The following NEGR1 variants were observed in gnomAD, a reference collection of about 807,000 sequenced individuals.
NEGR1 encodes the protein IgLON family member 4.
Under a neutral mutation model 40.9 loss-of-function variants are expected in NEGR1, and 10 were observed. That is an observed-to-expected ratio of 0.24 (90% confidence interval 0.15 to 0.42). The LOEUF is 0.42. NEGR1 is among the 10% of genes least tolerant of loss of function. The probability of loss-of-function intolerance (pLI) is 1.00; values close to 1 mark genes in which losing one functional copy is unlikely to be tolerated. For missense variants in NEGR1, 352 were observed against 438.9 expected (o/e 0.80, Z 1.77); for synonymous variants, 185 against 166.8 (o/e 1.11, Z -0.84).
At chr1:72,095,719 A>G (rs1648671975) in intron 1 of NEGR1, among the ~76,000 whole-genome samples, 1 of 152,042 alleles carries the variant, frequency 6.6e-6, no homozygotes, top group Non-Finnish European at 1.5e-5. Flanking sequence ...ATTATTTCCC[A>G]TGTAAGTATT....
chr1:71,550,650 AC>A (rs1446664910), intron 6 of NEGR1, among the ~76,000 whole-genome samples: 1 of 151,602 alleles, frequency 6.6e-6, no homozygotes, highest in African/African-American at 2.4e-5. Context: ...AGCTCCTGAG[AC>A]CACAGCCTAG....
chr1:71,925,019 A>G (rs4649953), intron 2 of NEGR1, among the ~76,000 whole-genome samples: 12,256 of 152,148 alleles, frequency 0.081, 772 homozygotes, highest in Admixed American at 0.22. Context: ...GCATTTATAA[A>G]AACAATAAAA....
intron 1 of NEGR1, among the ~76,000 whole-genome samples, chr1:72,041,729 C>T (rs1646956188): frequency 6.7e-6 from 1 of 148,276 alleles, no homozygotes; most frequent in African/African-American, 2.5e-5. Context: ...TATATATACA[C>T]ACACATATAT....
At chr1:72,155,305 G>A (rs910184117) in intron 1 of NEGR1, among the ~76,000 whole-genome samples, 8 of 151,934 alleles carry the variant, frequency 5.3e-5, no homozygotes, top group African/African-American at 1.7e-4. Flanking sequence ...AACTTTAGAG[G>A]AAGAATCCCA....
At chr1:71,579,270 C>A (rs1157135827) in intron 6 of NEGR1, among the ~76,000 whole-genome samples, 1 of 152,112 alleles carries the variant, frequency 6.6e-6, no homozygotes, top group East Asian at 1.9e-4. Flanking sequence ...TTCTTTCTAT[C>A]ACCCCTAAGA....
chr1:71,582,366 T>C (rs576986730), intron 6 of NEGR1, among the ~76,000 whole-genome samples: 1 of 152,300 alleles, frequency 6.6e-6, no homozygotes, highest in African/African-American at 2.4e-5. Context: ...GGATTTGTCA[T>C]AGAATACAAT....
chr1:71,771,152 G>A lies in NEGR1; in HGVS notation c.535+5020C>T, dbSNP rs572816638. Among the ~76,000 whole-genome samples, 10 of 152,254 alleles carry A rather than the reference G, an allele frequency of 6.6e-5. No homozygotes were observed. The South Asian group carries it at 2.1e-3, about 32-fold the overall frequency. ...AAGATGAGTTAATGTCCTTTGCAGG[G>A]ACATGGATGAAGCTGGAAACCATCA... On this transcript the variant is annotated intron_variant, in intron 3 of 6. Coordinates refer to ENST00000357731, the MANE Select transcript of NEGR1 (RefSeq NM_173808.3).
chr1:72,029,455 T>G (rs551897079), intron 1 of NEGR1, among the ~76,000 whole-genome samples: 1 of 152,168 alleles, frequency 6.6e-6, no homozygotes, highest in Non-Finnish European at 1.5e-5. Flanking sequence ...CTATGTGAAC[T>G]GTCCACTCTG....
intron 4 of NEGR1, among the ~76,000 whole-genome samples, chr1:71,678,978 T>A (rs1311742202): frequency 2.0e-5 from 3 of 152,110 alleles, no homozygotes; most frequent in Non-Finnish European, 2.9e-5. Flanking sequence ...CCACTGAAGA[T>A]GTTTAAGCAG....
chr1:71,567,388 C>T (rs1357017333), intron 6 of NEGR1, among the ~76,000 whole-genome samples: 1 of 152,098 alleles, frequency 6.6e-6, no homozygotes, highest in Non-Finnish European at 1.5e-5. Context: ...AATAATATTT[C>T]TAGCAAAAGA....
chr1:71,506,534 A>G (rs1021157933), intron 6 of NEGR1, among the ~76,000 whole-genome samples: 1 of 152,156 alleles, frequency 6.6e-6, no homozygotes, highest in African/African-American at 2.4e-5. Context: ...TTAAACCAAA[A>G]AGCCAGGAAG....
intron 4 of NEGR1, among the ~76,000 whole-genome samples, chr1:71,667,164 C>T (rs1429268070): frequency 6.6e-6 from 1 of 152,088 alleles, no homozygotes; most frequent in African/African-American, 2.4e-5. Context: ...TTAGCAAATG[C>T]AAAAATCACA....
chr1:72,185,815 G>A (rs1298720055), intron 1 of NEGR1, among the ~76,000 whole-genome samples: 1 of 151,752 alleles, frequency 6.6e-6, no homozygotes, highest in Admixed American at 6.6e-5. Flanking sequence ...CCACATTTAT[G>A]TTAAGTTGTC....
chr1:71,770,662 G>T (rs1174842436), intron 3 of NEGR1, among the ~76,000 whole-genome samples: 1 of 152,124 alleles, frequency 6.6e-6, no homozygotes, highest in Non-Finnish European at 1.5e-5. Flanking sequence ...GACCGATTTG[G>T]TGTGACTCCT....
chr1:71,476,789 G>A (rs1646824182), intron 6 of NEGR1: 1 of 152,072 alleles, frequency 6.6e-6, no homozygotes, highest in Non-Finnish European at 1.5e-5. Flanking sequence ...GTAGACAATG[G>A]AAGCTCCATG....
intron 6 of NEGR1, among the ~76,000 whole-genome samples, chr1:71,453,053 A>G (rs914997877): frequency 6.6e-6 from 1 of 152,184 alleles, no homozygotes; most frequent in East Asian, 1.9e-4. Flanking sequence ...CTGGAAGACT[A>G]TGGAATTAAA....
intron 3 of NEGR1, among the ~76,000 whole-genome samples, chr1:71,716,548 G>A (rs1654284501): frequency 1.3e-5 from 2 of 152,082 alleles, no homozygotes; most frequent in South Asian, 2.1e-4. Flanking sequence ...ACATTGTTCA[G>A]TGTCTATGGT....
intron 1 of NEGR1, among the ~76,000 whole-genome samples, chr1:72,267,425 T>A (rs927801655): frequency 6.6e-6 from 1 of 151,170 alleles, no homozygotes; most frequent in African/African-American, 2.4e-5. Context: ...TTTTAGGGAT[T>A]TCCCCATACT....
intron 1 of NEGR1, among the ~76,000 whole-genome samples, chr1:72,131,768 A>G (rs1459511782): frequency 6.6e-6 from 1 of 152,208 alleles, no homozygotes; most frequent in Non-Finnish European, 1.5e-5. Context: ...TAGTGAACCA[A>G]TATATACAAT....
Sources: allele counts gnomAD v4.1 joint callset (sites outside exome capture counted in the v4.1 genomes callset), GRCh38; gene constraint gnomAD v4.1.1; transcripts MANE v1.5; gene names NCBI Gene and HGNC (gene_info 2026-07-23, HGNC 2026-07-21).